Variants in DAAM2 observed in about 807,000 individuals in gnomAD.
DAAM2 encodes dishevelled associated activator of morphogenesis 2, also known as disheveled-associated activator of morphogenesis 2.
DAAM2 carries 39 observed loss-of-function variants against 120.7 expected under a neutral mutation model. The ratio of observed to expected loss-of-function variants is 0.32; its 90% CI spans 0.25 to 0.42. The LOEUF (loss-of-function observed/expected upper bound fraction) is 0.42, where lower values mean the gene tolerates loss of function less well. Among genes scored for constraint, DAAM2 ranks in the 10% least tolerant of loss-of-function variants. The pLI is 1.00. For missense variants in DAAM2, 1,283 were observed against 1,401.7 expected, an observed-to-expected ratio of 0.92 and a Z score of 1.35; for synonymous variants, 488 against 524.9, an observed-to-expected ratio of 0.93 and a Z score of 0.96.
intron 1 of DAAM2, among the ~76,000 whole-genome samples, chr6:39,801,438 C>G (rs1482159354): frequency 6.6e-6 from 1 of 152,204 alleles, no homozygotes; most frequent in African/African-American, 2.4e-5. Context: ...TGCCTGGAGA[C>G]AAGGGGCTGG....
In DAAM2 at chr6:39,856,312, CG is replaced by C; in HGVS notation, c.11del (p.Arg4ProfsTer122). 1 of 1,535,722 alleles carries C rather than the reference CG, an allele frequency of 6.5e-7. No homozygotes were observed. Among genetic ancestry groups the C allele is most frequent in the East Asian group, 2.5e-5 (1 of 39,794 alleles). The part of the protein sequence containing the change: MAP[R>X]KRSHHGLGFL... ...CTGGCCTGCAGTGACCATGGCCCCC[CG>C]CAAGAGGAGCCACCATGGCCTGGGC... is the stretch of plus-strand genomic sequence containing the variant. On this transcript the variant is annotated frameshift_variant, in exon 2 of 25. Transcript: ENST00000274867. LOFTEE classifies it high-confidence loss of function.
intron 1 of DAAM2, among the ~76,000 whole-genome samples, chr6:39,798,584 G>A (rs1310605413): frequency 1.3e-5 from 2 of 152,188 alleles, no homozygotes; most frequent in Non-Finnish European, 2.9e-5. Context: ...CAGGAAGTGT[G>A]AGTGAGGTGC....
At chr6:39,844,631 A>C (rs756875853) in intron 1 of DAAM2, among the ~76,000 whole-genome samples, 2 of 152,158 alleles carry the variant, frequency 1.3e-5, no homozygotes, top group South Asian at 4.1e-4. Context: ...AGTGTGGTTC[A>C]TGGGAAAAAG....
chr6:39,899,014 T>C, intron 22 of DAAM2, 77 bp downstream of exon 22: 3 of 1,138,942 alleles, frequency 2.6e-6, no homozygotes, highest in Admixed American at 4.4e-5. Flanking sequence ...CCTAAGCTCC[T>C]ACACAGGGGC....
At chr6:39,829,256 G>A (rs758760032) in intron 1 of DAAM2, among the ~76,000 whole-genome samples, 14 of 152,362 alleles carry the variant, frequency 9.2e-5, no homozygotes, top group African/African-American at 3.4e-4. Context: ...GCCTGCACAT[G>A]CGCCTATGAC....
chr6:39,804,535 T>C (rs979925558), intron 1 of DAAM2, among the ~76,000 whole-genome samples: 10 of 151,930 alleles, frequency 6.6e-5, no homozygotes, highest in African/African-American at 2.4e-4. Context: ...TGTGTGTGTG[T>C]GTGTGTGTGT....
chr6:39,897,185 C>T lies in DAAM2; in HGVS notation c.2521C>T (p.Leu841=). The T allele has an allele frequency of 6.2e-7, 1 of 1,612,888 alleles. No homozygotes were observed. Among genetic ancestry groups the T allele is most frequent in the Non-Finnish European group, 8.5e-7 (1 of 1,178,890 alleles). ...GACTTTCATCCACAGAAACATCTCTCTGCTCCATTACCTGATCATGATCCT... is the reference window on the plus strand; with the variant it reads ...GACTTTCATCCACAGAAACATCTCTTTGCTCCATTACCTGATCATGATCCT... The part of the protein sequence containing the change: ...TKSSIDRNIS[L]LHYLIMILEK... Residue 841 remains leucine (L), a synonymous_variant, in exon 21 of 25, where the codon CTG becomes TTG. Transcript: ENST00000274867.
At chr6:39,888,796 A>AT (rs1161619808) in intron 17 of DAAM2, 33 bp downstream of exon 17, 4 of 1,572,778 alleles carry the variant, frequency 2.5e-6, no homozygotes, top group Admixed American at 1.7e-5. Context: ...AGGGGAACTG[A>AT]ACCCAGCGGG....
chr6:39,891,599 G>T (rs749737319), intron 18 of DAAM2, 35 bp from the exon 19 acceptor site: 1 of 1,590,158 alleles, frequency 6.3e-7, no homozygotes, highest in South Asian at 1.1e-5. Context: ...GGATAGGGGT[G>T]GGATACCTCA....
intron 9 of DAAM2, among the ~76,000 whole-genome samples, chr6:39,872,195 C>G (rs947831384): frequency 2.6e-5 from 4 of 152,160 alleles, no homozygotes; most frequent in Non-Finnish European, 5.9e-5. Context: ...TTACCCAGTC[C>G]TCTGATTCAA....
rs1268187599 is a variant in DAAM2 at position 39,868,877 on chromosome 6, C to G, written c.817C>G (p.Leu273Val). 1 of 1,589,720 alleles carries G rather than the reference C, an allele frequency of 6.3e-7. No homozygotes were observed. The highest frequency in any genetic ancestry group is 8.6e-7 in the Non-Finnish European group (1 of 1,167,994). The change falls in exon 7 of 25, where the codon CTG (leucine) becomes GTG (valine). Residue 273 changes from leucine to valine, a missense_variant. Physicochemically the swap from Leu to Val is conservative, Grantham distance 32. Transcript: ENST00000274867. ...GGGCCGGTACCGGGATGAAGTGAAT[C>G]TGAAAACAGCCATCATGTCCTTCAT... ...SLGRYRDEVN[L>V]KTAIMSFINA...
Position 39,856,293 on chromosome 6 carries a change from T to G in DAAM2, c.-10T>G. On this transcript the variant is annotated 5_prime_UTR_variant, in exon 2 of 25. Coordinates refer to ENST00000274867, the MANE Select transcript of DAAM2 (RefSeq NM_001201427.2). ...ATCTGTCTGCTGACGCCCCCTGGCCTGCAGTGACCATGGCCCCCCGCAAGA... is the reference window on the plus strand; with the variant it reads ...ATCTGTCTGCTGACGCCCCCTGGCCGGCAGTGACCATGGCCCCCCGCAAGA... 1 of 1,514,998 alleles carries G rather than the reference T, an allele frequency of 6.6e-7. No homozygotes were observed. The highest frequency in any genetic ancestry group is 8.8e-7 in the Non-Finnish European group (1 of 1,130,744). The allele number at this position is 1,514,998 out of a possible 1,614,324, so 93.8% of individuals were successfully genotyped here. A position where few individuals can be genotyped will look rare whatever the true frequency, so the allele number is the denominator to read the frequency against.
In DAAM2 at chr6:39,865,398, A is replaced by G. The variant is rs1764385576; in HGVS notation, c.428+324A>G. 3.9e-5 allele frequency among the ~76,000 whole-genome samples: 6 copies of G among 152,234 alleles called. No individual in the cohort carries two copies. The South Asian group carries it at 1.2e-3, about 32-fold the overall frequency. ...AGGAGCGTGACCAAATGGACAAGGT[A>G]CAAAAGAAAGAGCCTTGTGAGGATG... On this transcript the variant is annotated intron_variant, in intron 5 of 24. Transcript: ENST00000274867.
At chr6:39,811,463 G>T (rs1431530307) in intron 1 of DAAM2, among the ~76,000 whole-genome samples, 2 of 152,092 alleles carry the variant, frequency 1.3e-5, no homozygotes, top group South Asian at 4.2e-4. Flanking sequence ...CTTCAGGCAG[G>T]CCACAGAGTA....
rs531279251 is a variant in DAAM2 at position 39,843,565 on chromosome 6, G to A, written c.-56-12682G>A. 3.9e-5 allele frequency among the ~76,000 whole-genome samples: 6 copies of A among 152,304 alleles called. No homozygotes were observed. The East Asian group carries it at 5.8e-4, about 15-fold the overall frequency. ...GGGCAGGGCCAGCTGCATGATTTGCGGGCCCAGCACAAAATGAAAATGCAG... is the reference window on the plus strand; with the variant it reads ...GGGCAGGGCCAGCTGCATGATTTGCAGGCCCAGCACAAAATGAAAATGCAG... On this transcript the variant is annotated intron_variant, in intron 1 of 24. Coordinates refer to ENST00000274867, the MANE Select transcript of DAAM2 (RefSeq NM_001201427.2).
intron 1 of DAAM2, among the ~76,000 whole-genome samples, chr6:39,845,107 A>G (rs937423617): frequency 2.0e-4 from 30 of 148,352 alleles, no homozygotes; most frequent in African/African-American, 7.5e-4. Context: ...CCATACACAC[A>G]TACCACATGT....
At chr6:39,793,931 TCTCC>T (rs980313673) in intron 1 of DAAM2, among the ~76,000 whole-genome samples, 9 of 152,044 alleles carry the variant, frequency 5.9e-5, no homozygotes, top group Admixed American at 4.6e-4. Flanking sequence ...ATTACTGGAC[TCTCC>T]CTCTGTCCTA....
In DAAM2 at chr6:39,879,134, G is replaced by A. The variant is rs770151960; in HGVS notation, c.1546-44G>A. 3.1e-6 allele frequency: 4 copies of A among 1,297,536 alleles called. No individual in the cohort carries two copies. In the South Asian group the frequency reaches 4.3e-5, roughly 14 times the overall value. 80.4% of individuals were successfully genotyped at this position (1,297,536 alleles called of 1,614,324 possible). Reference sequence around the variant, plus strand: ...CATGGTGGGAGACCTGAATGGCAACGGTGCTGATGGCTTTGTCCTTGCAAT... The same window carrying A: ...CATGGTGGGAGACCTGAATGGCAACAGTGCTGATGGCTTTGTCCTTGCAAT... On this transcript the variant is annotated intron_variant, in intron 13 of 24. Coordinates refer to ENST00000274867, the MANE Select transcript of DAAM2 (RefSeq NM_001201427.2).
chr6:39,834,907 C>T (rs1214713120), intron 1 of DAAM2, among the ~76,000 whole-genome samples: 1 of 152,124 alleles, frequency 6.6e-6, no homozygotes, highest in Admixed American at 6.5e-5. Context: ...ACTCATTTTC[C>T]CTTAAGACTG....
Sources: allele counts gnomAD v4.1 joint callset (sites outside exome capture counted in the v4.1 genomes callset), GRCh38; gene constraint gnomAD v4.1.1; transcripts MANE v1.5; gene names NCBI Gene and HGNC (gene_info 2026-07-23, HGNC 2026-07-21).